The following TDRD9 variants were observed in gnomAD, a reference collection of about 807,000 sequenced individuals.
TDRD9 encodes tudor domain containing 9.
Under a neutral mutation model 172.6 loss-of-function variants are expected in TDRD9, and 124 were observed. That is an observed-to-expected ratio of 0.72 (90% CI 0.62 to 0.83). The LOEUF (loss-of-function observed/expected upper bound fraction) is 0.83. TDRD9 is among the 40% of genes least tolerant of loss of function. The pLI is 0.00. For synonymous variants in TDRD9, 619 were observed against 617.1 expected, an observed-to-expected ratio of 1.00 and a Z score of -0.05; for missense variants, 1,479 against 1,714.1, an observed-to-expected ratio of 0.86 and a Z score of 2.42.
intron 1 of TDRD9, among the ~76,000 whole-genome samples, chr14:103,937,532 A>G (rs1595890932): frequency 6.6e-6 from 1 of 151,542 alleles, no homozygotes; most frequent in African/African-American, 2.4e-5. Flanking sequence ...CAAGTACTGA[A>G]CTCCTGCCTC....
chr14:104,026,494 T>C (rs765550212), intron 27 of TDRD9, among the ~76,000 whole-genome samples, 185 bp from the exon 28 acceptor site: 2 of 152,190 alleles, frequency 1.3e-5, no homozygotes, highest in Non-Finnish European at 2.9e-5. Context: ...AAATATTTCT[T>C]ATTGTTGTTA....
chr14:103,986,522 T>A (rs1033912624), intron 8 of TDRD9, among the ~76,000 whole-genome samples: 34 of 152,238 alleles, frequency 2.2e-4, no homozygotes, highest in Admixed American at 2.0e-4. Flanking sequence ...AAAGCCATGC[T>A]GAGTGCAGTG....
At chr14:103,961,640 A>G (rs555094686) in intron 2 of TDRD9, among the ~76,000 whole-genome samples, 46 of 152,108 alleles carry the variant, frequency 3.0e-4, no homozygotes, top group African/African-American at 1.1e-3. Flanking sequence ...GTTAGGGGTC[A>G]CTAATATTTT....
intron 1 of TDRD9, chr14:103,942,229 G>T (rs181125667): frequency 6.6e-6 from 1 of 152,632 alleles, no homozygotes; most frequent in East Asian, 1.9e-4. Context: ...TTTACCCACC[G>T]AAACTGTATT....
rs370984567 is a variant in TDRD9, at chr14:104,051,883, A to G, written c.4048-98A>G. The G allele has an allele frequency of 6.4e-5, 45 of 706,202 alleles. 1 individual carries two copies. The South Asian group carries it at 7.6e-4, about 12-fold the overall frequency. The allele number at this position is 706,202 out of a possible 1,614,324, so 43.7% of individuals were successfully genotyped here. On this transcript the variant is annotated intron_variant, in intron 35 of 35. Transcript: ENST00000409874. ...TCTGTAAATATTTTTGGAGAACTGA[A>G]TTATACTTTGTGCATCCTGGATGTT...
intron 13 of TDRD9, among the ~76,000 whole-genome samples, chr14:104,001,756 G>T (rs371431787): frequency 4.6e-5 from 7 of 152,146 alleles, no homozygotes; most frequent in African/African-American, 9.6e-5. Context: ...CTACAGGCAT[G>T]CCCCACCACG....
chr14:103,975,916 G>T (rs1039910377), intron 7 of TDRD9, among the ~76,000 whole-genome samples: 2 of 152,198 alleles, frequency 1.3e-5, no homozygotes, highest in African/African-American at 4.8e-5. Context: ...AAAACTGGGC[G>T]TAGTGGTGGG....
At chr14:104,022,759 A>G (rs2035000950) in intron 24 of TDRD9, among the ~76,000 whole-genome samples, 1 of 151,548 alleles carries the variant, frequency 6.6e-6, no homozygotes, top group Admixed American at 6.6e-5. Context: ...TAAATAAATA[A>G]ATAAAAAAGC....
chr14:103,961,407 AC>A (rs2032502015), intron 2 of TDRD9, among the ~76,000 whole-genome samples: 1 of 152,048 alleles, frequency 6.6e-6, no homozygotes, highest in Non-Finnish European at 1.5e-5. Flanking sequence ...TACTAAAAAT[AC>A]AAAAATTAGC....
chr14:104,045,249 C>T (rs1047790132), intron 34 of TDRD9, among the ~76,000 whole-genome samples: 7 of 152,254 alleles, frequency 4.6e-5, no homozygotes, highest in African/African-American at 1.7e-4. Context: ...ACATTCTCAC[C>T]AGCACGAGGC....
intron 23 of TDRD9, among the ~76,000 whole-genome samples, chr14:104,020,883 C>A (rs2034933569): frequency 1.3e-5 from 2 of 152,114 alleles, no homozygotes; most frequent in African/African-American, 4.8e-5. Flanking sequence ...ATCCAGCAGG[C>A]ACCTTTTGCT....
In TDRD9 at chr14:103,998,832, G is replaced by T. The variant is rs896460319; in HGVS notation, c.1483+104G>T. 4 of 629,336 alleles carry T rather than the reference G, an allele frequency of 6.4e-6. No individual in the cohort carries two copies. The South Asian group carries it at 8.4e-5, about 13-fold the overall frequency. The allele number at this position is 629,336 out of a possible 1,614,324, so 39.0% of individuals were successfully genotyped here. The stretch of plus-strand genomic sequence containing the variant: ...CTCTGAGACGGAGTCTTGCTCTGTC[G>T]CCCAGGCTGGAAGGCAGTGGCGCGA... On this transcript the variant is annotated intron_variant, in intron 13 of 35. Transcript: ENST00000409874.
intron 32 of TDRD9, among the ~76,000 whole-genome samples, chr14:104,036,842 C>T (rs1422975832): frequency 1.3e-5 from 2 of 152,116 alleles, no homozygotes; most frequent in African/African-American, 2.4e-5. Context: ...TGACAGTGTG[C>T]GTAAGACTAG....
intron 1 of TDRD9, among the ~76,000 whole-genome samples, chr14:103,936,790 G>A (rs113194609): frequency 2.6e-5 from 4 of 152,296 alleles, no homozygotes; most frequent in African/African-American, 9.6e-5. Flanking sequence ...TAGATGCTTA[G>A]TTAATATTTG....
chr14:103,943,155 G>C (rs182046813), intron 1 of TDRD9, among the ~76,000 whole-genome samples: 49 of 151,110 alleles, frequency 3.2e-4, no homozygotes, highest in African/African-American at 1.1e-3. Context: ...TTTTGAGACA[G>C]AGTCACGTTG....
rs959509697 is a variant in TDRD9, at chr14:103,928,709, C to T, written c.200C>T (p.Ala67Val). The stretch of plus-strand genomic sequence containing the variant: ...CTGGCCCAAGCTCCGGCCCGGCCGG[C>T]CGCTGCGTTCGAAAGGTAGGACGCG... ...PALAQAPARP[A>V]AAFERSLSQR... The change falls in exon 1 of 36, where the codon GCC (alanine) becomes GTC (valine). Residue 67 changes from alanine to valine, a missense_variant. Physicochemically the swap from Ala to Val is moderately conservative, Grantham distance 64 (BLOSUM62 0). Around this residue, in one of 3 missense-constraint regions of TDRD9, gnomAD observed 1,413 missense variants for 1,649.1 expected, o/e 0.86. Coordinates refer to ENST00000409874, the MANE Select transcript of TDRD9 (RefSeq NM_153046.3). 3.4e-6 allele frequency: 4 copies of T among 1,171,750 alleles called. No individual in the cohort carries two copies. The African/African-American group carries it at 6.5e-5, about 19-fold the overall frequency. The allele number at this position is 1,171,750 out of a possible 1,614,324, so 72.6% of individuals were successfully genotyped here.
At chr14:103,999,236 G>A (rs1209218351) in intron 13 of TDRD9, among the ~76,000 whole-genome samples, 1 of 152,134 alleles carries the variant, frequency 6.6e-6, no homozygotes, top group African/African-American at 2.4e-5. Flanking sequence ...CTCTTCTAAT[G>A]TATGAGGTCT....
At chr14:103,940,704 T>C (rs2031169105) in intron 1 of TDRD9, 1 of 739,320 alleles carries the variant, frequency 1.4e-6, no homozygotes, top group Non-Finnish European at 2.2e-6. Context: ...CACAGGATAC[T>C]GACCTTGTAA....
At chr14:104,049,525 G>T in intron 34 of TDRD9, 83 bp from the exon 35 acceptor site, 2 of 1,119,016 alleles carry the variant, frequency 1.8e-6, no homozygotes, top group South Asian at 3.1e-5. Context: ...GAAGCATATA[G>T]GATTTAAATC....
Sources: allele counts gnomAD v4.1 joint callset (sites outside exome capture counted in the v4.1 genomes callset), GRCh38; gene constraint gnomAD v4.1.1; regional missense constraint gnomAD v4.1.1; transcripts MANE v1.5; gene names NCBI Gene and HGNC (gene_info 2026-07-23, HGNC 2026-07-21).